The following ZRANB3 variants were observed in gnomAD, a reference collection of about 807,000 sequenced individuals.
The protein encoded by ZRANB3 is zinc finger RANBP2-type containing 3.
In ZRANB3, 125 loss-of-function variants were observed where a neutral mutation model predicts 133.8. The ratio of observed to expected loss-of-function variants is 0.93; its 90% CI spans 0.81 to 1.08. The LOEUF (loss-of-function observed/expected upper bound fraction) is 1.08. Ranked by LOEUF, ZRANB3 falls within the 50% of genes least tolerant of loss-of-function variation. The pLI is 0.00. For missense variants in ZRANB3, 1,229 were observed against 1,275.5 expected, an observed-to-expected ratio of 0.96 and a Z score of 0.56; for synonymous variants, 387 against 432.7, an observed-to-expected ratio of 0.89 and a Z score of 1.31.
intron 1 of ZRANB3, chr2:135,510,422 T>C (rs1693401091): frequency 2.8e-6 from 1 of 361,352 alleles, no homozygotes; most frequent in Non-Finnish European, 5.0e-6. Context: ...GAAGTAAAAT[T>C]ATACTAACTT....
intron 1 of ZRANB3, among the ~76,000 whole-genome samples, chr2:135,506,303 T>C (rs114179390): frequency 0.01 from 1,572 of 152,072 alleles, 25 homozygotes; most frequent in African/African-American, 0.036. Context: ...GGCACAACAA[T>C]CACTTGAATT....
At chr2:135,223,330 A>T (rs769372474) in intron 15 of ZRANB3, among the ~76,000 whole-genome samples, 1 of 144,610 alleles carries the variant, frequency 6.9e-6, no homozygotes, top group Admixed American at 6.9e-5. Flanking sequence ...TGAAAAAAAC[A>T]TTTTTTTTTT....
intron 5 of ZRANB3, among the ~76,000 whole-genome samples, chr2:135,346,640 T>C: frequency 6.6e-6 from 1 of 152,178 alleles, no homozygotes; most frequent in South Asian, 2.1e-4. Flanking sequence ...AGTTTGATAA[T>C]GTTACCATGT....
At chr2:135,331,806 G>A (rs1033933500) in intron 6 of ZRANB3, among the ~76,000 whole-genome samples, 1 of 151,950 alleles carries the variant, frequency 6.6e-6, no homozygotes, top group Non-Finnish European at 1.5e-5. Context: ...TTATAGTAAT[G>A]GTCTTCTTTG....
At chr2:135,428,466 C>T (rs1689187935) in intron 2 of ZRANB3, among the ~76,000 whole-genome samples, 2 of 147,072 alleles carry the variant, frequency 1.4e-5, no homozygotes, top group Middle Eastern at 3.5e-3. Flanking sequence ...ATGAAGATTC[C>T]AAAAGTAATT....
At chr2:135,381,071 C>T (rs965359982) in intron 3 of ZRANB3, among the ~76,000 whole-genome samples, 5 of 152,236 alleles carry the variant, frequency 3.3e-5, no homozygotes, top group East Asian at 1.9e-4. Flanking sequence ...CACCTGGAAG[C>T]GTAAGGGATC....
chr2:135,411,984 T>C (rs376478043), intron 2 of ZRANB3, among the ~76,000 whole-genome samples: 164 of 152,308 alleles, frequency 1.1e-3, no homozygotes, highest in Admixed American at 2.7e-3. Flanking sequence ...TCAGTAACAT[T>C]TGGTACACTT....
At chr2:135,268,890 C>CA (rs997541669) in intron 11 of ZRANB3, 72 bp downstream of exon 11, 11 of 1,421,562 alleles carry the variant, frequency 7.7e-6, no homozygotes, top group Non-Finnish European at 9.5e-6. Context: ...CACTAAAACT[C>CA]AGCCTCTTAA....
At chr2:135,351,531 G>A (rs1297520816) in intron 4 of ZRANB3, among the ~76,000 whole-genome samples, 6 of 152,060 alleles carry the variant, frequency 3.9e-5, no homozygotes, top group Admixed American at 1.3e-4. Context: ...GTGAGCCACC[G>A]TGCCTGGCCG....
intron 2 of ZRANB3, among the ~76,000 whole-genome samples, chr2:135,480,717 A>C: frequency 6.9e-6 from 1 of 145,522 alleles, no homozygotes; most frequent in Non-Finnish European, 1.5e-5. Context: ...GCACCCACTA[A>C]CTCGTCATCT....
At chr2:135,502,045 A>G (rs1284046749) in intron 2 of ZRANB3, among the ~76,000 whole-genome samples, 1 of 152,204 alleles carries the variant, frequency 6.6e-6, no homozygotes, top group Non-Finnish European at 1.5e-5. Flanking sequence ...CAGCAGACCT[A>G]TATTGCCAAT....
intron 12 of ZRANB3, among the ~76,000 whole-genome samples, chr2:135,237,723 T>C (rs1256569030): frequency 2.0e-5 from 3 of 149,036 alleles, no homozygotes; most frequent in East Asian, 4.0e-4. Flanking sequence ...TCCTCACTCA[T>C]AGGTGGGAAT....
chr2:135,469,635 G>A (rs540357081), intron 2 of ZRANB3, among the ~76,000 whole-genome samples: 4 of 152,000 alleles, frequency 2.6e-5, no homozygotes, highest in Non-Finnish European at 5.9e-5. Flanking sequence ...ACAAACAAAC[G>A]CCAACAAAAA....
chr2:135,307,157 C>T (rs1426020537), intron 8 of ZRANB3, among the ~76,000 whole-genome samples: 1 of 152,184 alleles, frequency 6.6e-6, no homozygotes, highest in Non-Finnish European at 1.5e-5. Context: ...ACTTCTGCCT[C>T]CTGGGCTCAA....
At chr2:135,272,893 G>T (rs1680601244) in intron 9 of ZRANB3, among the ~76,000 whole-genome samples, 1 of 151,984 alleles carries the variant, frequency 6.6e-6, no homozygotes, top group Non-Finnish European at 1.5e-5. Context: ...CTAAAAAGAA[G>T]TTATTATTGG....
intron 1 of ZRANB3, chr2:135,511,478 G>A (rs112778831): frequency 0.035 from 30,304 of 860,320 alleles, 1,450 homozygotes; most frequent in African/African-American, 0.19. Context: ...TTTTCTTCAC[G>A]TTCCTCTACT....
At chr2:135,527,896 C>T (rs1275248660) in intron 1 of ZRANB3, among the ~76,000 whole-genome samples, 2 of 152,138 alleles carry the variant, frequency 1.3e-5, no homozygotes, top group Non-Finnish European at 2.9e-5. Flanking sequence ...TACATTTTCC[C>T]GTGTGGACTA....
At chr2:135,465,735 T>G (rs1240963975) in intron 2 of ZRANB3, among the ~76,000 whole-genome samples, 1 of 152,116 alleles carries the variant, frequency 6.6e-6, no homozygotes, top group East Asian at 1.9e-4. Context: ...ACAGGCAACC[T>G]ACAGAATGGG....
At chr2:135,213,548 G>A (rs751434415) in intron 17 of ZRANB3, among the ~76,000 whole-genome samples, 6 of 152,096 alleles carry the variant, frequency 3.9e-5, no homozygotes, top group Admixed American at 6.6e-5. Context: ...GGTTTCCCTG[G>A]AGGCCTCTCT....
Sources: gnomAD v4.1 joint callset for allele counts (sites outside exome capture counted in the v4.1 genomes callset) on GRCh38, gnomAD v4.1.1 for gene constraint, MANE v1.5 for transcripts, NCBI Gene and HGNC (gene_info 2026-07-23, HGNC 2026-07-21) for gene names.